Variants in KIF14 observed in about 807,000 individuals in gnomAD.
The protein encoded by KIF14 is kinesin-like protein KIF14.
Under a neutral mutation model 176.2 loss-of-function variants are expected in KIF14, and 98 were observed. That is an observed-to-expected ratio of 0.56 (90% CI 0.47 to 0.66). The LOEUF is 0.66. KIF14 is among the 30% of genes least tolerant of loss of function. The pLI, the probability that KIF14 is intolerant of heterozygous loss-of-function variation, is 0.00. For missense variants in KIF14, 1,751 were observed against 1,920.4 expected, an observed-to-expected ratio of 0.91 and a Z score of 1.65; for synonymous variants, 566 against 632.2, an observed-to-expected ratio of 0.90 and a Z score of 1.57.
chr1:200,600,791 G>A (rs888306957), intron 11 of KIF14, among the ~76,000 whole-genome samples: 1 of 152,128 alleles, frequency 6.6e-6, no homozygotes, highest in Non-Finnish European at 1.5e-5. Context: ...AAGGGTAATT[G>A]TTAAAGTGAA....
intron 25 of KIF14, 72 bp downstream of exon 25, chr1:200,564,997 A>T: frequency 8.4e-7 from 1 of 1,195,534 alleles, no homozygotes; most frequent in East Asian, 2.4e-5. Context: ...TTTGGGGAAG[A>T]TATAGACAGT....
At position 200,560,862 on chromosome 1, in the gene KIF14, A is replaced by G; in HGVS notation, c.4090T>C (p.Ser1364Pro). ...TTTTGAGCCTCTTTTATCATTGATGAAATATCCAAACAGCATCCCTGTAAG... is the reference window on the plus strand; with the variant it reads ...TTTTGAGCCTCTTTTATCATTGATGGAATATCCAAACAGCATCCCTGTAAG... ...LFLQGCCLDI[S>P]SMIKEAQKNA... The change falls in exon 26 of 30, where the codon TCA (serine) becomes CCA (proline). Residue 1364 changes from serine (S) to proline (P), a missense_variant. Transcript: ENST00000367350. 1 of 1,613,748 alleles carries G rather than the reference A, an allele frequency of 6.2e-7. No homozygotes were observed. The highest frequency in any genetic ancestry group is 8.5e-7 in the Non-Finnish European group (1 of 1,179,614).
intron 15 of KIF14, among the ~76,000 whole-genome samples, chr1:200,593,006 T>C (rs1343464109): frequency 6.6e-6 from 1 of 152,208 alleles, no homozygotes; most frequent in East Asian, 1.9e-4. Context: ...AAAACATCAT[T>C]ATGAAGTGCA....
At position 200,614,371 on chromosome 1, in the gene KIF14, G is replaced by T. The variant is rs1660301819; in HGVS notation, c.1402C>A (p.Pro468Thr). Residue 468 changes from proline (P) to threonine (T), a missense_variant, in exon 4 of 30, where the codon CCA (proline) becomes ACA (threonine). By Grantham distance (38) the Pro-to-Thr change is conservative. Transcript: ENST00000367350. ...MGFSEEPGII[P>T]RFCEDLFSQV... is the part of the protein sequence containing the mutation. ...GAAAAAAGATCTTCACAAAATCTTG[G>T]AATTATTCCTGGTTCTTCACTAAAT... The T allele has an allele frequency of 1.9e-6, 3 of 1,608,268 alleles. No homozygotes were observed. In the East Asian group the frequency reaches 6.7e-5, roughly 36 times the overall value.
intron 20 of KIF14, among the ~76,000 whole-genome samples, 171 bp downstream of exon 20, chr1:200,581,030 C>T (rs1658410549): frequency 6.8e-6 from 1 of 146,822 alleles, no homozygotes; most frequent in Non-Finnish European, 1.5e-5. Context: ...AGGAGAATTG[C>T]TTGAACCCGG....
At chr1:200,581,564 G>GA (rs1234929860) in intron 19 of KIF14, among the ~76,000 whole-genome samples, 1 of 151,798 alleles carries the variant, frequency 6.6e-6, no homozygotes, top group Non-Finnish European at 1.5e-5. Context: ...CTAATATCTA[G>GA]AAAAAAATTT....
rs1430909726 is a variant in KIF14 at position 200,598,337 on chromosome 1, G to A, written c.2449C>T (p.Leu817=). 18 of 1,612,722 alleles carry A rather than the reference G, an allele frequency of 1.1e-5. No homozygotes were observed. In the African/African-American group the frequency reaches 2.1e-4, roughly 19 times the overall value. Residue 817 remains leucine, a synonymous_variant, in exon 14 of 30, where the codon CTA becomes TTA. Transcript: ENST00000367350. ...NEDPQLSEML[L]YMIKEGTTTV... The stretch of plus-strand genomic sequence containing the variant: ...GTTGTTCCTTCTTTTATCATATATA[G>A]CAGCATCTCAGATAGTTGTGGATCT...
At chr1:200,574,175 C>T (rs1657974723) in intron 22 of KIF14, among the ~76,000 whole-genome samples, 2 of 152,212 alleles carry the variant, frequency 1.3e-5, no homozygotes, top group African/African-American at 4.8e-5. Context: ...AACAATGATG[C>T]TTCTGCTGAC....
intron 29 of KIF14, 112 bp from the exon 30 acceptor site, chr1:200,553,879 A>C: frequency 9.7e-7 from 1 of 1,034,730 alleles, no homozygotes; most frequent in Non-Finnish European, 1.4e-6. Flanking sequence ...CTATCAAAAC[A>C]ATTCCAAACT....
chr1:200,603,379 C>T (rs1448769441), intron 9 of KIF14, 38 bp from the exon 10 acceptor site: 4 of 921,942 alleles, frequency 4.3e-6, no homozygotes, highest in African/African-American at 3.3e-5. Flanking sequence ...ACTTAAAATA[C>T]TTCTCAGCAA....
chr1:200,609,822 AC>A (rs1660064832), intron 4 of KIF14, among the ~76,000 whole-genome samples: 2 of 152,382 alleles, frequency 1.3e-5, no homozygotes, highest in South Asian at 4.1e-4. Context: ...GAATGGATAA[AC>A]AAAACTGGCA....
chr1:200,590,576 T>C (rs1339288797), intron 16 of KIF14, among the ~76,000 whole-genome samples: 2 of 152,162 alleles, frequency 1.3e-5, no homozygotes, highest in African/African-American at 4.8e-5. Flanking sequence ...ATTCCCAATT[T>C]TACTGAAAAA....
intron 8 of KIF14, among the ~76,000 whole-genome samples, chr1:200,604,767 T>C (rs1445009979): frequency 6.6e-6 from 1 of 152,062 alleles, no homozygotes; most frequent in Non-Finnish European, 1.5e-5. Flanking sequence ...GGTAAAAAAA[T>C]TGAAAGACTA....
chr1:200,600,257 G>C, intron 12 of KIF14, 99 bp downstream of exon 12: 1 of 1,335,620 alleles, frequency 7.5e-7, no homozygotes, highest in Non-Finnish European at 1.1e-6. Context: ...CTATTCATAA[G>C]GAAGGTCGGA....
At chr1:200,593,586 A>G in intron 15 of KIF14, 81 bp downstream of exon 15, 1 of 926,088 alleles carries the variant, frequency 1.1e-6, no homozygotes, top group Non-Finnish European at 1.7e-6. Flanking sequence ...CTTATCTTAT[A>G]GAGAAAACCA....
intron 19 of KIF14, among the ~76,000 whole-genome samples, chr1:200,585,891 T>G (rs1176064077): frequency 1.3e-5 from 2 of 152,146 alleles, no homozygotes; most frequent in African/African-American, 4.8e-5. Context: ...ACACAAACAT[T>G]CAGTCTAAAG....
chr1:200,572,802 T>G (rs1480072358), intron 22 of KIF14, among the ~76,000 whole-genome samples: 1 of 152,170 alleles, frequency 6.6e-6, no homozygotes, highest in Non-Finnish European at 1.5e-5. Flanking sequence ...AATTTATTGG[T>G]CTGGTTTAAA....
At chr1:200,565,298 T>C in intron 24 of KIF14, 45 bp from the exon 25 acceptor site, 1 of 1,530,224 alleles carries the variant, frequency 6.5e-7, no homozygotes, top group South Asian at 1.2e-5. Context: ...ATTATCCAAA[T>C]AAAAGAACTC....
intron 15 of KIF14, 41 bp downstream of exon 15, chr1:200,593,626 A>T: frequency 8.0e-7 from 1 of 1,246,384 alleles, no homozygotes; most frequent in Non-Finnish European, 1.2e-6. Flanking sequence ...GACTTATCCA[A>T]AGTCGAACAG....
Sources: gnomAD v4.1 joint callset for allele counts (sites outside exome capture counted in the v4.1 genomes callset) on GRCh38, gnomAD v4.1.1 for gene constraint, MANE v1.5 for transcripts, NCBI Gene and HGNC (gene_info 2026-07-23, HGNC 2026-07-21) for gene names.